Variants in ZNF804A observed in about 807,000 individuals in gnomAD.
The protein encoded by ZNF804A is zinc finger protein 804A.
Under a neutral mutation model 16.5 loss-of-function variants are expected in ZNF804A, and 2 were observed. The observed-to-expected ratio is 0.12, with a 90% CI of 0.05 to 0.38. The LOEUF (loss-of-function observed/expected upper bound fraction) is 0.38, where lower values mean the gene tolerates loss of function less well. Among genes scored for constraint, ZNF804A ranks in the 10% least tolerant of loss-of-function variants. ZNF804A has a pLI of 0.99. For synonymous variants in ZNF804A, 534 were observed against 489.6 expected (o/e 1.09, Z -1.20); for missense variants, 1,473 against 1,390.7 (o/e 1.06, Z -0.94).
At chr2:184,918,300 A>G (rs1201814461) in intron 2 of ZNF804A, among the ~76,000 whole-genome samples, 2 of 152,132 alleles carry the variant, frequency 1.3e-5, no homozygotes, top group African/African-American at 4.8e-5. Flanking sequence ...TCAGTGGAAT[A>G]ATTAATATGT....
In ZNF804A at chr2:184,840,129, C is replaced by G. The variant is rs563296874; in HGVS notation, c.112-26240C>G. Among the ~76,000 whole-genome samples, 2 of 152,286 alleles carry G rather than the reference C, an allele frequency of 1.3e-5. 1 individual carries two copies. The highest frequency in any genetic ancestry group is 4.1e-4 in the South Asian group (2 of 4,834). ...TCATGGCCATCGTGGTGGTTCACACCTGTAATCCCAGCACTTTGGGAGGCC... is the reference window on the plus strand; with the variant it reads ...TCATGGCCATCGTGGTGGTTCACACGTGTAATCCCAGCACTTTGGGAGGCC... On this transcript the variant is annotated intron_variant, in intron 1 of 3. Coordinates refer to ENST00000302277, the MANE Select transcript of ZNF804A (RefSeq NM_194250.2).
chr2:184,929,429 C>T (rs1462758389), intron 2 of ZNF804A, among the ~76,000 whole-genome samples: 3 of 151,886 alleles, frequency 2.0e-5, no homozygotes, highest in African/African-American at 7.3e-5. Flanking sequence ...AATTTAAAAC[C>T]ACTATTTGTA....
chr2:184,730,499 C>T (rs1181641509), intron 1 of ZNF804A, among the ~76,000 whole-genome samples: 1 of 152,104 alleles, frequency 6.6e-6, no homozygotes, highest in Non-Finnish European at 1.5e-5. Flanking sequence ...AGAGTAATTT[C>T]ACTTCCCTAA....
intron 1 of ZNF804A, among the ~76,000 whole-genome samples, chr2:184,680,119 G>A (rs1348023852): frequency 6.6e-6 from 1 of 152,264 alleles, no homozygotes; most frequent in Non-Finnish European, 1.5e-5. Flanking sequence ...CCCACTGTGG[G>A]TCTCCTGTCT....
chr2:184,674,493 A>G (rs1276826699), intron 1 of ZNF804A, among the ~76,000 whole-genome samples: 1 of 152,068 alleles, frequency 6.6e-6, no homozygotes, highest in African/African-American at 2.4e-5. Flanking sequence ...TCAAGAGACA[A>G]AATTTGAAAG....
chr2:184,928,694 G>A (rs1472277175), intron 2 of ZNF804A, among the ~76,000 whole-genome samples: 1 of 152,200 alleles, frequency 6.6e-6, no homozygotes, highest in Non-Finnish European at 1.5e-5. Context: ...AGGCTTGCAG[G>A]AACTCAAGTT....
chr2:184,854,899 G>T (rs183767789), intron 1 of ZNF804A, among the ~76,000 whole-genome samples: 1 of 152,046 alleles, frequency 6.6e-6, no homozygotes, highest in South Asian at 2.1e-4. Context: ...ATAGAAATGT[G>T]AATATTCAAC....
At chr2:184,739,991 A>T (rs1693689858) in intron 1 of ZNF804A, among the ~76,000 whole-genome samples, 1 of 152,144 alleles carries the variant, frequency 6.6e-6, no homozygotes. Flanking sequence ...AATGAAATAC[A>T]ATTTTCTTGT....
chr2:184,911,593 C>A (rs1244108761), intron 2 of ZNF804A, among the ~76,000 whole-genome samples: 1 of 151,396 alleles, frequency 6.6e-6, no homozygotes, highest in Non-Finnish European at 1.5e-5. Flanking sequence ...TATTGATTTT[C>A]TAATTCATGA....
At position 184,858,515 on chromosome 2, in the gene ZNF804A, A is replaced by G. The variant is rs1695741586; in HGVS notation, c.112-7854A>G. ...TGAGACTCTGTCTCAAAAAAAAAAA[A>G]AAAAGATAACAACAACTTAAATTTG... On this transcript the variant is annotated intron_variant, in intron 1 of 3. Coordinates refer to ENST00000302277, the MANE Select transcript of ZNF804A (RefSeq NM_194250.2). Among the ~76,000 whole-genome samples the G allele has an allele frequency of 2.6e-5, 4 of 151,946 alleles. 1 individual carries two copies. The highest frequency in any genetic ancestry group is 9.7e-5 in the African/African-American group (4 of 41,450).
intron 1 of ZNF804A, among the ~76,000 whole-genome samples, chr2:184,657,599 G>T (rs1692101404): frequency 2.0e-5 from 3 of 152,020 alleles, no homozygotes; most frequent in Admixed American, 6.6e-5. Context: ...TATACAATTT[G>T]GTGTATGTCA....
In ZNF804A at chr2:184,937,950, G is replaced by C. The variant is rs920826639; in HGVS notation, c.2554G>C (p.Asp852His). Residue 852 changes from aspartate (D) to histidine (H), a missense_variant, in exon 4 of 4, where the codon GAC becomes CAC. Physicochemically the swap from Asp to His is moderately conservative, Grantham distance 81. Transcript: ENST00000302277. ...LNPLDRLISE[D>H]KKEKMKPQEV... is the part of the protein sequence containing the mutation. Reference sequence around the variant, plus strand: ...TCCTCTGGATAGGTTAATAAGTGAAGACAAAAAAGAGAAAATGAAACCACA... The same window carrying C: ...TCCTCTGGATAGGTTAATAAGTGAACACAAAAAAGAGAAAATGAAACCACA... 4 of 1,613,680 alleles carry C rather than the reference G, an allele frequency of 2.5e-6. No homozygotes were observed. The East Asian group carries it at 8.9e-5, about 36-fold the overall frequency.
At chr2:184,920,585 C>A (rs755782574) in intron 2 of ZNF804A, among the ~76,000 whole-genome samples, 2 of 152,096 alleles carry the variant, frequency 1.3e-5, no homozygotes, top group Non-Finnish European at 2.9e-5. Flanking sequence ...TTCTAACTGA[C>A]AAAACACGAA....
intron 1 of ZNF804A, among the ~76,000 whole-genome samples, chr2:184,783,092 T>A (rs1053025292): frequency 6.7e-6 from 1 of 149,228 alleles, no homozygotes; most frequent in Non-Finnish European, 1.5e-5. Context: ...TAAATATATA[T>A]GTAAAATAAT....
intron 2 of ZNF804A, among the ~76,000 whole-genome samples, chr2:184,915,231 A>G (rs1025845859): frequency 3.9e-5 from 6 of 152,068 alleles, no homozygotes; most frequent in African/African-American, 1.4e-4. Context: ...CTCTATTCCT[A>G]TAGATGCAGA....
At position 184,769,617 on chromosome 2, in the gene ZNF804A, G is replaced by A. The variant is rs142444395; in HGVS notation, c.112-96752G>A. Reference sequence around the variant, plus strand: ...GTTGCAAAGATGGCATCTGTATATAGGAAAAGAAAATAAAGAGACATTAGC... The same window carrying A: ...GTTGCAAAGATGGCATCTGTATATAAGAAAAGAAAATAAAGAGACATTAGC... On this transcript the variant is annotated intron_variant, in intron 1 of 3. Coordinates refer to ENST00000302277, the MANE Select transcript of ZNF804A (RefSeq NM_194250.2). Among the ~76,000 whole-genome samples the A allele has an allele frequency of 2.1e-3, 325 of 151,978 alleles. 1 individual carries two copies. The highest frequency in any genetic ancestry group is 6.8e-3 in the Middle Eastern group (2 of 294).
At chr2:184,644,610 A>G (rs985928956) in intron 1 of ZNF804A, among the ~76,000 whole-genome samples, 1 of 151,980 alleles carries the variant, frequency 6.6e-6, no homozygotes, top group Non-Finnish European at 1.5e-5. Flanking sequence ...ACTAATGTTT[A>G]GTATTTGCAT....
At chr2:184,905,131 G>T (rs1685249890) in intron 2 of ZNF804A, among the ~76,000 whole-genome samples, 1 of 151,916 alleles carries the variant, frequency 6.6e-6, no homozygotes, top group South Asian at 2.1e-4. Flanking sequence ...GATTAAGTCA[G>T]TGTTTTTTAC....
chr2:184,832,609 A>C (rs1695280471), intron 1 of ZNF804A, among the ~76,000 whole-genome samples: 1 of 151,906 alleles, frequency 6.6e-6, no homozygotes, highest in Non-Finnish European at 1.5e-5. Flanking sequence ...TGTTTTTATC[A>C]TTAATTTATG....
Sources: allele counts gnomAD v4.1 joint callset (sites outside exome capture counted in the v4.1 genomes callset), GRCh38; gene constraint gnomAD v4.1.1; transcripts MANE v1.5; gene names NCBI Gene and HGNC (gene_info 2026-07-23, HGNC 2026-07-21).